Variants in TTC27 observed in about 807,000 individuals in gnomAD.
TTC27 encodes the protein tetratricopeptide repeat domain 27, also known as tetratricopeptide repeat protein 27.
In TTC27, 79 loss-of-function variants were observed where a neutral mutation model predicts 115.9. That is an observed-to-expected ratio of 0.68 (90% confidence interval 0.57 to 0.82). The LOEUF is 0.82. Ranked by LOEUF, TTC27 falls within the 40% of genes least tolerant of loss-of-function variation. The probability of loss-of-function intolerance (pLI) is 0.00; values close to 1 mark genes in which losing one functional copy is unlikely to be tolerated. For synonymous variants in TTC27, 401 were observed against 356.0 expected (o/e 1.13, Z -1.42); for missense variants, 1,054 against 993.1 (o/e 1.06, Z -0.82).
Position 32,634,020 on chromosome 2 carries a change from A to T in TTC27, c.396+15A>T. On this transcript the variant is annotated intron_variant, in intron 3 of 19. Transcript: ENST00000317907. ...AATTCAGTGAGGTATGCTTCTTGAA[A>T]ATGTTGTATGTAATTATTATTATGT... The T allele has an allele frequency of 1.2e-6, 2 of 1,607,048 alleles. No individual in the cohort carries two copies. Among genetic ancestry groups the T allele is most frequent in the South Asian group, 1.1e-5 (1 of 88,788 alleles).
intron 8 of TTC27, among the ~76,000 whole-genome samples, chr2:32,676,349 A>G (rs775840666): frequency 2.1e-4 from 32 of 151,500 alleles, no homozygotes; most frequent in Non-Finnish European, 3.8e-4. Flanking sequence ...CCCTTCATTG[A>G]TTTTTTTTCT....
intron 16 of TTC27, among the ~76,000 whole-genome samples, chr2:32,806,674 C>T (rs899160496): frequency 5.3e-5 from 8 of 151,782 alleles, no homozygotes; most frequent in Non-Finnish European, 8.8e-5. Flanking sequence ...CCCAGCTACT[C>T]GGGAGGCTGA....
chr2:32,679,745 C>A (rs1666350561), intron 9 of TTC27, among the ~76,000 whole-genome samples: 1 of 152,180 alleles, frequency 6.6e-6, no homozygotes, highest in South Asian at 2.1e-4. Context: ...GTAATCCCAG[C>A]ACTTTGAGAG....
At chr2:32,640,454 G>C (rs1031261) in intron 4 of TTC27, 44 bp downstream of exon 4, 220,745 of 1,592,104 alleles carry the variant, frequency 0.14, 18,220 homozygotes, top group South Asian at 0.34. Context: ...TATGACTTTT[G>C]TGCTTATTAA....
At chr2:32,791,816 A>G (rs970756933) in intron 16 of TTC27, among the ~76,000 whole-genome samples, 1 of 152,186 alleles carries the variant, frequency 6.6e-6, no homozygotes, top group African/African-American at 2.4e-5. Context: ...TTGAGGTTTC[A>G]GTGAGCTATG....
intron 9 of TTC27, among the ~76,000 whole-genome samples, chr2:32,699,330 A>G (rs181638345): frequency 4.6e-5 from 7 of 152,314 alleles, no homozygotes; most frequent in Non-Finnish European, 1.0e-4. Flanking sequence ...CATTGGGGTG[A>G]TCACTTCTCA....
chr2:32,670,863 C>G (rs1453943179), intron 7 of TTC27, among the ~76,000 whole-genome samples: 1 of 152,128 alleles, frequency 6.6e-6, no homozygotes, highest in Non-Finnish European at 1.5e-5. Flanking sequence ...AAGTGATCCA[C>G]CCACCTTGGC....
chr2:32,767,013 T>C (rs1277995461), intron 13 of TTC27, among the ~76,000 whole-genome samples: 1 of 152,180 alleles, frequency 6.6e-6, no homozygotes. Flanking sequence ...TTTGAACTCC[T>C]GGCCTCAAGC....
chr2:32,772,928 A>C lies in TTC27; in HGVS notation c.1681-4954A>C, dbSNP rs558995587. Among the ~76,000 whole-genome samples the C allele has an allele frequency of 2.2e-4, 33 of 152,300 alleles. No homozygotes were observed. The South Asian group carries it at 6.8e-3, about 32-fold the overall frequency. Reference sequence around the variant, plus strand: ...TTTCACACTTGGGGAACTGAGACTCATAGGTTAAGTGACATAGCCAGGGTC... The same window carrying C: ...TTTCACACTTGGGGAACTGAGACTCCTAGGTTAAGTGACATAGCCAGGGTC... On this transcript the variant is annotated intron_variant, in intron 13 of 19. Transcript: ENST00000317907.
At chr2:32,710,643 G>A (rs991594771) in intron 10 of TTC27, among the ~76,000 whole-genome samples, 1 of 151,398 alleles carries the variant, frequency 6.6e-6, no homozygotes, top group Admixed American at 6.6e-5. Flanking sequence ...TGGCCAGGCT[G>A]GTGTTGAACT....
chr2:32,694,559 A>T (rs1156300119), intron 9 of TTC27, among the ~76,000 whole-genome samples: 1 of 152,114 alleles, frequency 6.6e-6, no homozygotes, highest in South Asian at 2.1e-4. Context: ...ATAAGAAATT[A>T]TTAGTGACTT....
At chr2:32,793,274 C>T (rs1342580554) in intron 16 of TTC27, among the ~76,000 whole-genome samples, 4 of 152,036 alleles carry the variant, frequency 2.6e-5, no homozygotes, top group African/African-American at 9.7e-5. Context: ...AAAAAACTGT[C>T]AATCAAGAAT....
chr2:32,674,687 C>G (rs1666134099), intron 8 of TTC27, among the ~76,000 whole-genome samples: 1 of 141,860 alleles, frequency 7.0e-6, no homozygotes, highest in East Asian at 2.1e-4. Context: ...GAGACAGAGT[C>G]TCGCTGTGTC....
Position 32,642,816 on chromosome 2 carries a change from C to T in TTC27, c.537+2406C>T, listed in dbSNP as rs534289162. Among the ~76,000 whole-genome samples the T allele has an allele frequency of 5.9e-4, 90 of 151,978 alleles. 1 individual carries two copies. The South Asian group carries it at 0.01, about 18-fold the overall frequency. The stretch of plus-strand genomic sequence containing the variant: ...CCAAGTAACTTGTACTACAGGCATG[C>T]GCCACCACACCCGGCTAATTTTTGC... On this transcript the variant is annotated intron_variant, in intron 4 of 19. Coordinates refer to ENST00000317907, the MANE Select transcript of TTC27 (RefSeq NM_017735.5).
intron 3 of TTC27, among the ~76,000 whole-genome samples, chr2:32,634,685 C>T (rs998473445): frequency 6.6e-6 from 1 of 151,978 alleles, no homozygotes; most frequent in South Asian, 2.1e-4. Flanking sequence ...GAGACAGAGT[C>T]TTGCTCTGTC....
intron 10 of TTC27, among the ~76,000 whole-genome samples, chr2:32,720,755 G>A (rs1667897516): frequency 1.3e-5 from 2 of 152,240 alleles, no homozygotes; most frequent in African/African-American, 2.4e-5. Context: ...CCGGAAATAT[G>A]TTCACTCTGT....
At chr2:32,812,655 C>T (rs1480763289) in intron 18 of TTC27, 40 bp downstream of exon 18, 6 of 1,474,764 alleles carry the variant, frequency 4.1e-6, no homozygotes, top group South Asian at 1.1e-5. Context: ...AATGTTTTGA[C>T]TTATTTTCTA....
At chr2:32,731,306 T>C (rs6543673) in intron 10 of TTC27, among the ~76,000 whole-genome samples, 152,254 of 152,254 alleles carry the variant, frequency 1, 76,127 homozygotes, top group Non-Finnish European at 1. Flanking sequence ...CCAGGCTGGT[T>C]TTGAATTCCT....
chr2:32,721,141 A>G (rs1222494602), intron 10 of TTC27, among the ~76,000 whole-genome samples: 2 of 152,172 alleles, frequency 1.3e-5, no homozygotes, highest in Admixed American at 6.6e-5. Context: ...GCTTATTTTC[A>G]TGCTTATTTT....
Sources: gnomAD v4.1 joint callset for allele counts (sites outside exome capture counted in the v4.1 genomes callset) on GRCh38, gnomAD v4.1.1 for gene constraint, MANE v1.5 for transcripts, NCBI Gene and HGNC (gene_info 2026-07-23, HGNC 2026-07-21) for gene names.